The following VWC2 variants were observed in gnomAD, a reference collection of about 807,000 sequenced individuals.
The protein encoded by VWC2 is von Willebrand factor C domain containing 2.
VWC2 carries 14 observed loss-of-function variants against 29.8 expected under a neutral mutation model. That is an observed-to-expected ratio of 0.47 (90% CI 0.31 to 0.74). VWC2 has a LOEUF of 0.74. Ranked by LOEUF, VWC2 falls within the 30% of genes least tolerant of loss-of-function variation. The probability of loss-of-function intolerance (pLI) is 0.05; values close to 1 mark genes in which losing one functional copy is unlikely to be tolerated. For missense variants in VWC2, 457 were observed against 459.8 expected, an observed-to-expected ratio of 0.99 and a Z score of 0.05; for synonymous variants, 213 against 199.0, an observed-to-expected ratio of 1.07 and a Z score of -0.59.
At chr7:49,906,424 C>T (rs1343610289) in intron 3 of VWC2, among the ~76,000 whole-genome samples, 2 of 152,130 alleles carry the variant, frequency 1.3e-5, no homozygotes, top group Admixed American at 6.5e-5. Flanking sequence ...CAAGCTCTGC[C>T]TCCTGGGTTC....
At chr7:49,897,242 T>A (rs1375678174) in intron 3 of VWC2, among the ~76,000 whole-genome samples, 2 of 152,150 alleles carry the variant, frequency 1.3e-5, no homozygotes, top group Non-Finnish European at 1.5e-5. Context: ...ATACCAAACA[T>A]TGAAAGAAGA....
In VWC2 at chr7:49,775,753, C is replaced by T. The variant is rs1159081616; in HGVS notation, c.318C>T (p.Ala106=). Residue 106 remains alanine, a synonymous_variant, in exon 2 of 4, where the codon GCC becomes GCT. Transcript: ENST00000340652. ...AWVSQGGGAK[A]GDLQVRPRGD... ...TCTCCCAGGGCGGGGGCGCCAAGGCCGGGGATCTGCAGGTCCGGCCCCGCG... is the reference window on the plus strand; with the variant it reads ...TCTCCCAGGGCGGGGGCGCCAAGGCTGGGGATCTGCAGGTCCGGCCCCGCG... 3.3e-6 allele frequency: 5 copies of T among 1,512,588 alleles called. No individual in the cohort carries two copies. The South Asian group carries it at 3.9e-5, about 12-fold the overall frequency. 93.7% of individuals were successfully genotyped at this position (1,512,588 alleles called of 1,614,324 possible). A position where few individuals can be genotyped will look rare whatever the true frequency, so the allele number is the denominator to read the frequency against.
At chr7:49,784,396 G>C (rs1445010477) in intron 2 of VWC2, among the ~76,000 whole-genome samples, 1 of 152,266 alleles carries the variant, frequency 6.6e-6, no homozygotes, top group African/African-American at 2.4e-5. Flanking sequence ...TAGAGGTGGA[G>C]TTGGAATCCA....
intron 3 of VWC2, among the ~76,000 whole-genome samples, chr7:49,867,533 T>C (rs562041126): frequency 6.6e-6 from 1 of 152,278 alleles, no homozygotes; most frequent in Admixed American, 6.5e-5. Flanking sequence ...GTCTTCTTGT[T>C]CTGTTAAAAA....
At chr7:49,879,001 G>A (rs896792031) in intron 3 of VWC2, among the ~76,000 whole-genome samples, 5 of 152,140 alleles carry the variant, frequency 3.3e-5, no homozygotes, top group Admixed American at 3.3e-4. Context: ...TTATGTCACT[G>A]TGTATTCTCC....
rs1793750226 is a variant in VWC2 at position 49,916,835 on chromosome 7, A to C, written c.*4650A>C. The C allele has an allele frequency of 6.6e-6, 1 of 152,216 alleles. No homozygotes were observed. Among genetic ancestry groups the C allele is most frequent in the Non-Finnish European group, 1.5e-5 (1 of 68,040 alleles). The allele number at this position is 152,216 out of a possible 1,614,324, so 9.4% of individuals were successfully genotyped here. On this transcript the variant is annotated 3_prime_UTR_variant, in exon 4 of 4. Coordinates refer to ENST00000340652, the MANE Select transcript of VWC2 (RefSeq NM_198570.5). ...TATCTAAGTCACAGAACCCAGAGAC[A>C]CATCAAATACCCCAAATACCCCATG...
intron 3 of VWC2, among the ~76,000 whole-genome samples, chr7:49,836,574 G>A (rs1390359134): frequency 2.0e-5 from 3 of 151,506 alleles, no homozygotes; most frequent in Non-Finnish European, 4.4e-5. Context: ...CAGAGGCGGA[G>A]GTTTCAATGA....
intron 3 of VWC2, among the ~76,000 whole-genome samples, chr7:49,825,267 T>G (rs1173127150): frequency 6.6e-6 from 1 of 152,212 alleles, no homozygotes; most frequent in Non-Finnish European, 1.5e-5. Flanking sequence ...TAAGATCACA[T>G]TTTCCTTAAA....
chr7:49,875,941 C>A (rs1186306013), intron 3 of VWC2, among the ~76,000 whole-genome samples: 1 of 152,132 alleles, frequency 6.6e-6, no homozygotes, highest in Non-Finnish European at 1.5e-5. Flanking sequence ...TACATAGTGG[C>A]TGGAAGAATG....
chr7:49,873,828 G>C, intron 3 of VWC2, among the ~76,000 whole-genome samples: 1 of 151,354 alleles, frequency 6.6e-6, no homozygotes, highest in East Asian at 1.9e-4. Flanking sequence ...AATTAATTAT[G>C]GAATATTCAT....
chr7:49,874,790 G>A (rs907142992), intron 3 of VWC2, among the ~76,000 whole-genome samples: 12 of 152,238 alleles, frequency 7.9e-5, no homozygotes, highest in Middle Eastern at 3.4e-3. Flanking sequence ...GGAGCCTCAC[G>A]TCTCACTTGT....
Position 49,916,986 on chromosome 7 carries a change from A to T in VWC2, c.*4801A>T, listed in dbSNP as rs1793758104. ...TGTATTGAAGAGACACTGGCCCTTTATGATAAAGGAAGTCAAGTTTACAGT... is the reference window on the plus strand; with the variant it reads ...TGTATTGAAGAGACACTGGCCCTTTTTGATAAAGGAAGTCAAGTTTACAGT... On this transcript the variant is annotated 3_prime_UTR_variant, in exon 4 of 4. Transcript: ENST00000340652. The T allele has an allele frequency of 6.6e-6, 1 of 152,236 alleles. No individual in the cohort carries two copies. The highest frequency in any genetic ancestry group is 2.1e-4 in the South Asian group (1 of 4,832). The allele number at this position is 152,236 out of a possible 1,614,324, so 9.4% of individuals were successfully genotyped here.
intron 2 of VWC2, among the ~76,000 whole-genome samples, chr7:49,796,819 T>C (rs920217331): frequency 9.2e-5 from 14 of 152,208 alleles, no homozygotes; most frequent in African/African-American, 3.1e-4. Context: ...TAACATAAAA[T>C]ATATGTAGTG....
chr7:49,893,264 A>G (rs1256056294), intron 3 of VWC2, among the ~76,000 whole-genome samples: 1 of 152,188 alleles, frequency 6.6e-6, no homozygotes, highest in Non-Finnish European at 1.5e-5. Context: ...CGAATCTAGA[A>G]TACGGCATGT....
intron 3 of VWC2, among the ~76,000 whole-genome samples, chr7:49,865,311 C>T (rs961199313): frequency 3.3e-5 from 5 of 152,148 alleles, no homozygotes; most frequent in Admixed American, 3.3e-4. Flanking sequence ...AGATTCTCTC[C>T]TATCCATTTT....
In VWC2 at chr7:49,775,746, C is replaced by T; in HGVS notation, c.311C>T (p.Ala104Val). ...GCCTGGGTCTCCCAGGGCGGGGGCG[C>T]CAAGGCCGGGGATCTGCAGGTCCGG... Reference protein sequence around the residue: ...KQAWVSQGGGAKAGDLQVRPR... With the variant: ...KQAWVSQGGGVKAGDLQVRPR... The change falls in exon 2 of 4, where the codon GCC becomes GTC. Residue 104 changes from alanine to valine, a missense_variant. Physicochemically the swap from Ala to Val is moderately conservative, Grantham distance 64. This residue lies in a region of VWC2 where 272 missense variants were observed against 202.7 expected (regional missense o/e 1.34). Coordinates refer to ENST00000340652, the MANE Select transcript of VWC2 (RefSeq NM_198570.5). The T allele has an allele frequency of 6.6e-7, 1 of 1,511,510 alleles. No individual in the cohort carries two copies. Among genetic ancestry groups the T allele is most frequent in the East Asian group, 2.5e-5 (1 of 39,488 alleles). The allele number at this position is 1,511,510 out of a possible 1,614,324, so 93.6% of individuals were successfully genotyped here. A position where few individuals can be genotyped will look rare whatever the true frequency, so the allele number is the denominator to read the frequency against.
Position 49,916,663 on chromosome 7 carries a change from G to A in VWC2, c.*4478G>A, listed in dbSNP as rs775762382. Reference sequence around the variant, plus strand: ...CCCAATATCTATATGTTAAAGGCTTGTTGAATTGTATTCCATCTATTAGTT... The same window carrying A: ...CCCAATATCTATATGTTAAAGGCTTATTGAATTGTATTCCATCTATTAGTT... On this transcript the variant is annotated 3_prime_UTR_variant, in exon 4 of 4. Transcript: ENST00000340652. 2.0e-5 allele frequency: 3 copies of A among 152,138 alleles called. No homozygotes were observed. The highest frequency in any genetic ancestry group is 7.2e-5 in the African/African-American group (3 of 41,430). 9.4% of individuals were successfully genotyped at this position (152,138 alleles called of 1,614,324 possible).
chr7:49,911,983 T>C (rs758083742), intron 3 of VWC2, 51 bp from the exon 4 acceptor site: 6 of 1,430,052 alleles, frequency 4.2e-6, no homozygotes, highest in Non-Finnish European at 5.6e-6. Flanking sequence ...TAATTATATA[T>C]ATTATATATT....
chr7:49,885,651 T>A (rs181033073), intron 3 of VWC2, among the ~76,000 whole-genome samples: 3 of 152,356 alleles, frequency 2.0e-5, no homozygotes, highest in Admixed American at 1.3e-4. Context: ...ATTCTGAAAG[T>A]TCTACCTAGT....
Sources: allele counts gnomAD v4.1 joint callset (sites outside exome capture counted in the v4.1 genomes callset), GRCh38; gene constraint gnomAD v4.1.1; regional missense constraint gnomAD v4.1.1; transcripts MANE v1.5; gene names NCBI Gene and HGNC (gene_info 2026-07-23, HGNC 2026-07-21).